Variants in TIE1 observed in about 807,000 individuals in gnomAD.
TIE1 encodes tyrosine-protein kinase receptor Tie-1.
TIE1 carries 89 observed loss-of-function variants against 130.5 expected under a neutral mutation model. The observed-to-expected ratio is 0.68, with a 90% CI of 0.57 to 0.81. The LOEUF is 0.81. TIE1 is among the 40% of genes least tolerant of loss of function. The probability of loss-of-function intolerance (pLI) is 0.00; values close to 1 mark genes in which losing one functional copy is unlikely to be tolerated. For synonymous variants in TIE1, 568 were observed against 629.4 expected, an observed-to-expected ratio of 0.90 and a Z score of 1.46; for missense variants, 1,392 against 1,559.8, an observed-to-expected ratio of 0.89 and a Z score of 1.81.
chr1:43,309,683 A>C lies in TIE1; in HGVS notation c.1333+151A>C. 8.6e-7 allele frequency: 1 copy of C among 1,161,630 alleles called. No homozygotes were observed. The highest frequency in any genetic ancestry group is 1.1e-6 in the Non-Finnish European group (1 of 870,552). The allele number at this position is 1,161,630 out of a possible 1,614,324, so 72.0% of individuals were successfully genotyped here. On this transcript the variant is annotated intron_variant, in intron 9 of 22. Transcript: ENST00000372476. This position sits in a 1 kb window ranked among gnomAD's most constrained non-coding sequence, Gnocchi z 6.3. ...AAAAAGCGGGGTTGTGGTCAACCAG[A>C]GGTCCGGGCTGGGCAGTGTCAAGGC...
intron 20 of TIE1, 41 bp from the exon 21 acceptor site, chr1:43,321,355 C>A: frequency 1.9e-6 from 3 of 1,613,590 alleles, no homozygotes; most frequent in Non-Finnish European, 2.5e-6. Context: ...CCTTACCCCA[C>A]GTGGAGCCCT....
intron 7 of TIE1, 199 bp from the exon 8 acceptor site, chr1:43,308,787 G>A (rs1353596863): frequency 1.4e-6 from 1 of 713,538 alleles, no homozygotes; most frequent in African/African-American, 1.7e-5. Flanking sequence ...GAAGTGGGGA[G>A]GTGGTTAGGA....
Position 43,317,185 on chromosome 1 carries a change from C to T in TIE1, c.2410-14C>T. ...TTGCGTGGACCGTCTGCCCTCTTGT[C>T]TCATCCTGTGAAGGGCGAGGAGACC... On this transcript the variant is annotated splice_polypyrimidine_tract_variant and intron_variant, in intron 14 of 22. Transcript: ENST00000372476. The surrounding 1 kb of genome is among the most constrained non-coding windows in gnomAD (Gnocchi z 5.1). 6.2e-7 allele frequency: 1 copy of T among 1,613,832 alleles called. No individual in the cohort carries two copies. Among genetic ancestry groups the T allele is most frequent in the South Asian group, 1.1e-5 (1 of 91,046 alleles).
intron 1 of TIE1, among the ~76,000 whole-genome samples, chr1:43,303,997 G>T (rs1357751438): frequency 2.0e-5 from 3 of 152,240 alleles, no homozygotes; most frequent in Non-Finnish European, 2.9e-5. Flanking sequence ...GGCAAACAAA[G>T]ACCAAGACCT....
rs201759080 is a variant in TIE1, at chr1:43,312,432, C to T, written c.1758C>T (p.Asp586=). The stretch of plus-strand genomic sequence containing the variant: ...ACGGTTTCCTGCTGCGCCTGTGGGA[C>T]GGGACACGGGGGCAGGAGCGGCGGG... ...VGDGFLLRLW[D]GTRGQERREN... The change falls in exon 12 of 23, where the codon GAC becomes GAT. Residue 586 remains aspartate, a synonymous_variant. Coordinates refer to ENST00000372476, the MANE Select transcript of TIE1 (RefSeq NM_005424.5). The surrounding 1 kb of genome is among the most constrained non-coding windows in gnomAD (Gnocchi z 5.6). The T allele has an allele frequency of 5.2e-5, 84 of 1,611,308 alleles. No individual in the cohort carries two copies. Among genetic ancestry groups the T allele is most frequent in the South Asian group, 1.8e-4 (16 of 90,984 alleles).
At position 43,312,485 on chromosome 1, in the gene TIE1, C is replaced by G. The variant is rs1646808545; in HGVS notation, c.1811C>G (p.Thr604Ser). 4 of 1,612,680 alleles carry G rather than the reference C, an allele frequency of 2.5e-6. No homozygotes were observed. Among genetic ancestry groups the G allele is most frequent in the Non-Finnish European group, 2.5e-6 (3 of 1,179,876 alleles). The change falls in exon 12 of 23, where the codon ACT becomes AGT. Residue 604 changes from threonine (T) to serine (S), a missense_variant. Physicochemically the swap from Thr to Ser is moderately conservative, Grantham distance 58. Around this residue, in one of 6 missense-constraint regions of TIE1, gnomAD observed 551 missense variants for 565.5 expected, o/e 0.97. Transcript: ENST00000372476. The surrounding 1 kb of genome is among the most constrained non-coding windows in gnomAD (Gnocchi z 5.6). ...AACGTCTCATCCCCCCAGGCCCGCA[C>G]TGCCCTCCTGACGGGACTCACGCCT... is the stretch of plus-strand genomic sequence containing the variant. ...RENVSSPQAR[T>S]ALLTGLTPGT...
At position 43,307,527 on chromosome 1, in the gene TIE1, G is replaced by A. The variant is rs1315350656; in HGVS notation, c.868G>A (p.Gly290Ser). 1 of 1,614,032 alleles carries A rather than the reference G, an allele frequency of 6.2e-7. No individual in the cohort carries two copies. Among genetic ancestry groups the A allele is most frequent in the African/African-American group, 1.3e-5 (1 of 74,922 alleles). ...CACCTTCTGCCTCCCAGACCCCTAT[G>A]GCTGCTCTTGTGGATCTGGCTGGAG... ...GLTFCLPDPY[G>S]CSCGSGWRGS... Residue 290 changes from glycine to serine, a missense_variant, in exon 6 of 23, where the codon GGC becomes AGC. Gly to Ser is a moderately conservative substitution (Grantham distance 56). This residue lies in a region of TIE1 where 415 missense variants were observed against 424.8 expected (regional missense o/e 0.98). Transcript: ENST00000372476. This position sits in a 1 kb window ranked among gnomAD's most constrained non-coding sequence, Gnocchi z 5.4.
rs774367993 is a variant in TIE1, at chr1:43,309,113, A to G, written c.1170A>G (p.Pro390=). 4 of 1,603,474 alleles carry G rather than the reference A, an allele frequency of 2.5e-6. No individual in the cohort carries two copies. The highest frequency in any genetic ancestry group is 2.2e-5 in the South Asian group (2 of 89,950). ...GGGGCAGCATAGAGCTACGCAAGCC[A>G]GACGGCACTGTGCTCCTGGTCAGCC... ...PVRGSIELRK[P]DGTVLLSTKA... is the part of the protein sequence containing the mutation. The change falls in exon 8 of 23, where the codon CCA becomes CCG. Residue 390 remains proline, a synonymous_variant. Transcript: ENST00000372476. The surrounding 1 kb of genome is among the most constrained non-coding windows in gnomAD (Gnocchi z 6.3).
Position 43,306,724 on chromosome 1 carries a change from C to A in TIE1, c.485-116C>A. 1 of 1,358,838 alleles carries A rather than the reference C, an allele frequency of 7.4e-7. No individual in the cohort carries two copies. Among genetic ancestry groups the A allele is most frequent in the African/African-American group, 1.5e-5 (1 of 68,794 alleles). The allele number at this position is 1,358,838 out of a possible 1,614,324, so 84.2% of individuals were successfully genotyped here. On this transcript the variant is annotated intron_variant, in intron 3 of 22. Transcript: ENST00000372476. The surrounding 1 kb of genome is among the most constrained non-coding windows in gnomAD (Gnocchi z 4.9). ...GGCATAGGCTCTCGTGGTGCCGGCC[C>A]TAGGTCTCATCACTGTGCATGGGGC...
rs1365272442 is a variant in TIE1, at chr1:43,313,419, G to A, written c.2212G>A (p.Gly738Ser). ...WSNTVEESTL[G>S]NGLQAEGPVQ... is the part of the protein sequence containing the mutation. The stretch of plus-strand genomic sequence containing the variant: ...CAACACAGTAGAAGAGTCCACCCTG[G>A]GCAACGGTGAGAGGGCAGGGCCCAC... The change falls in exon 13 of 23, where the codon GGC becomes AGC. Residue 738 changes from glycine (G) to serine (S), a missense_variant. Physicochemically the swap from Gly to Ser is moderately conservative, Grantham distance 56 (BLOSUM62 0). This residue lies in a region of TIE1 where 551 missense variants were observed against 565.5 expected (regional missense o/e 0.97). Coordinates refer to ENST00000372476, the MANE Select transcript of TIE1 (RefSeq NM_005424.5). This position sits in a 1 kb window ranked among gnomAD's most constrained non-coding sequence, Gnocchi z 6.2. 1.2e-6 allele frequency: 2 copies of A among 1,613,844 alleles called. No individual in the cohort carries two copies. Among genetic ancestry groups the A allele is most frequent in the South Asian group, 1.1e-5 (1 of 91,084 alleles).
chr1:43,303,621 T>C (rs969308101), intron 1 of TIE1, among the ~76,000 whole-genome samples: 7 of 152,042 alleles, frequency 4.6e-5, no homozygotes, highest in Admixed American at 3.9e-4. Context: ...TCGCAGGCTC[T>C]CCACCGTCCA....
In TIE1 at chr1:43,309,806, C is replaced by G. The variant is rs6694318; in HGVS notation, c.1333+274C>G. 0.52 allele frequency among the ~76,000 whole-genome samples: 78,955 copies of G among 151,864 alleles called. 20,812 individuals are homozygous for G. The highest frequency in any genetic ancestry group is 0.7 in the South Asian group (3,373 of 4,816). ...CCTTCCTCCTGCCCAGCCATGCTGT[C>G]CCCCACCAACCGTCACACACAGACA... On this transcript the variant is annotated intron_variant, in intron 9 of 22. Coordinates refer to ENST00000372476, the MANE Select transcript of TIE1 (RefSeq NM_005424.5). This position sits in a 1 kb window ranked among gnomAD's most constrained non-coding sequence, Gnocchi z 6.3.
Position 43,317,780 on chromosome 1 carries a change from AC to A in TIE1, c.2732-99del. On this transcript the variant is annotated intron_variant, in intron 16 of 22. Transcript: ENST00000372476. The surrounding 1 kb of genome is among the most constrained non-coding windows in gnomAD (Gnocchi z 5.1). ...AGGGGCTGCTGGTGACCTGTGCACC[AC>A]CCTTGATCCTCCTTCATCCCTGTCT... 6.7e-7 allele frequency: 1 copy of A among 1,495,196 alleles called. No homozygotes were observed. Among genetic ancestry groups the A allele is most frequent in the African/African-American group, 1.4e-5 (1 of 72,608 alleles). The allele number at this position is 1,495,196 out of a possible 1,614,324, so 92.6% of individuals were successfully genotyped here.
chr1:43,319,201 C>T lies in TIE1; in HGVS notation c.2923-34C>T. On this transcript the variant is annotated intron_variant, in intron 17 of 22. Transcript: ENST00000372476. This position sits in a 1 kb window ranked among gnomAD's most constrained non-coding sequence, Gnocchi z 4.7. ...CCTGACTGTCCTGGGCTCCCTCATC[C>T]CCAGTCTCTCCTGACTTCTGACCCT... 1.3e-6 allele frequency: 2 copies of T among 1,552,306 alleles called. No individual in the cohort carries two copies. The highest frequency in any genetic ancestry group is 1.8e-6 in the Non-Finnish European group (2 of 1,123,658).
Position 43,308,963 on chromosome 1 carries a change from G to A in TIE1, c.1043-23G>A, listed in dbSNP as rs113084955. ...CGTGTCTGCCCCTGTGGGAGCTCCA[G>A]GATGAGTGTCCTTTCTCCCCAGACC... On this transcript the variant is annotated intron_variant, in intron 7 of 22. Transcript: ENST00000372476. 4.8e-5 allele frequency: 77 copies of A among 1,613,998 alleles called. 2 individuals are homozygous for A. Among genetic ancestry groups the A allele is most frequent in the African/African-American group, 4.1e-4 (31 of 74,988 alleles).
At position 43,317,134 on chromosome 1, in the gene TIE1, G is replaced by C; in HGVS notation, c.2410-65G>C. ...CTGAAACCTCCTCGTGTGCCTGTCT[G>C]TGCCTCCTTCCGCCCCCTTTGACTC... On this transcript the variant is annotated intron_variant, in intron 14 of 22. Coordinates refer to ENST00000372476, the MANE Select transcript of TIE1 (RefSeq NM_005424.5). The surrounding 1 kb of genome is among the most constrained non-coding windows in gnomAD (Gnocchi z 5.1). The C allele has an allele frequency of 6.5e-7, 1 of 1,546,660 alleles. No homozygotes were observed. Among genetic ancestry groups the C allele is most frequent in the Non-Finnish European group, 8.9e-7 (1 of 1,121,546 alleles).
At position 43,312,540 on chromosome 1, in the gene TIE1, CT is replaced by C; in HGVS notation, c.1867del (p.Tyr623ThrfsTer40). 6.2e-7 allele frequency: 1 copy of C among 1,613,574 alleles called. No individual in the cohort carries two copies. Among genetic ancestry groups the C allele is most frequent in the South Asian group, 1.1e-5 (1 of 91,062 alleles). ...CCCACTACCAGCTGGATGTGCAGCT[CT>C]ACCACTGCACCCTCCTGGGCCCGGC... ...GTHYQLDVQLYHCTLLGPASP... is the reference protein window; with the variant it reads ...GTHYQLDVQLXHCTLLGPASP... On this transcript the variant is annotated frameshift_variant, in exon 12 of 23. Transcript: ENST00000372476. LOFTEE classifies it high-confidence loss of function. This position sits in a 1 kb window ranked among gnomAD's most constrained non-coding sequence, Gnocchi z 5.6.
intron 1 of TIE1, among the ~76,000 whole-genome samples, 198 bp from the exon 2 acceptor site, chr1:43,304,653 A>G (rs1368415389): frequency 6.6e-6 from 1 of 151,458 alleles, no homozygotes; most frequent in Non-Finnish European, 1.5e-5. Context: ...GGAAGGGGAA[A>G]GGAGGGGGAT....
intron 1 of TIE1, chr1:43,302,336 C>A (rs1482475372): frequency 1.3e-5 from 2 of 152,200 alleles, no homozygotes; most frequent in African/African-American, 4.8e-5. Flanking sequence ...GTAAGGATTT[C>A]TGAGTAGGTG....
Sources: allele counts gnomAD v4.1 joint callset (sites outside exome capture counted in the v4.1 genomes callset), GRCh38; gene constraint gnomAD v4.1.1; regional missense constraint gnomAD v4.1.1; non-coding constraint Gnocchi (gnomAD v3.1); transcripts MANE v1.5; gene names NCBI Gene and HGNC (gene_info 2026-07-23, HGNC 2026-07-21).